Variants in CHODL observed in about 807,000 individuals in gnomAD.
The protein encoded by CHODL is chondrolectin, also known as transmembrane protein MT75.
In CHODL, 29 loss-of-function variants were observed where a neutral mutation model predicts 34.5. The observed-to-expected ratio is 0.84, with a 90% CI of 0.63 to 1.15. The LOEUF (loss-of-function observed/expected upper bound fraction) is 1.15. Ranked by LOEUF, CHODL falls within the 50% of genes most tolerant of loss-of-function variation. CHODL has a pLI of 0.00. For synonymous variants in CHODL, 125 were observed against 116.1 expected, an observed-to-expected ratio of 1.08 and a Z score of -0.49; for missense variants, 332 against 332.5, an observed-to-expected ratio of 1.00 and a Z score of 0.01.
intron 2 of CHODL, among the ~76,000 whole-genome samples, chr21:18,193,803 C>G (rs1380587991): frequency 2.6e-5 from 4 of 151,982 alleles, no homozygotes; most frequent in African/African-American, 9.6e-5. Context: ...ACTCATCATT[C>G]AAGATTTACA....
chr21:18,249,718 G>A (rs139305177), intron 1 of CHODL, among the ~76,000 whole-genome samples: 4 of 152,282 alleles, frequency 2.6e-5, no homozygotes, highest in African/African-American at 9.6e-5. Context: ...GAGCCAGATG[G>A]CCTGGTTTCA....
Position 17,956,732 on chromosome 21 carries a change from T to G in CHODL, c.-145+39332T>G, listed in dbSNP as rs1214947096. On this transcript the variant is annotated intron_variant, in intron 1 of 6. Coordinates refer to the CHODL transcript ENST00000400127. The stretch of plus-strand genomic sequence containing the variant: ...AAGGGGCCAGAAAATTATCTGGAGT[T>G]TTTTCTATGAGTGCACTAATCCCAT... Among the ~76,000 whole-genome samples the G allele has an allele frequency of 1.5e-5, 2 of 135,812 alleles. 1 individual carries two copies. The highest frequency in any genetic ancestry group is 3.3e-5 in the Non-Finnish European group (2 of 59,838). The allele number at this position is 135,812 out of a possible 152,430, so 89.1% of individuals were successfully genotyped here.
intron 2 of CHODL, among the ~76,000 whole-genome samples, chr21:18,162,665 A>T (rs2073110527): frequency 6.6e-6 from 1 of 152,204 alleles, no homozygotes; most frequent in Non-Finnish European, 1.5e-5. Flanking sequence ...TAGAAGAGAT[A>T]ATTCCACCCA....
At chr21:17,997,387 A>T (rs1198793233) in intron 1 of CHODL, among the ~76,000 whole-genome samples, 1 of 152,150 alleles carries the variant, frequency 6.6e-6, no homozygotes, top group Admixed American at 6.5e-5. Context: ...CTTGCCAAAG[A>T]TGGGAGCAAG....
intron 2 of CHODL, among the ~76,000 whole-genome samples, chr21:18,055,338 A>G (rs1249075335): frequency 1.3e-5 from 2 of 152,094 alleles, no homozygotes; most frequent in Non-Finnish European, 2.9e-5. Context: ...TTTCCACTCT[A>G]CCCTCTCCTG....
At chr21:18,188,418 A>T (rs1029397820) in intron 2 of CHODL, among the ~76,000 whole-genome samples, 1 of 152,244 alleles carries the variant, frequency 6.6e-6, no homozygotes. Flanking sequence ...AAAATAAAAC[A>T]TTTAATTTCC....
At chr21:17,973,948 G>A (rs2063640534) in intron 1 of CHODL, among the ~76,000 whole-genome samples, 1 of 152,136 alleles carries the variant, frequency 6.6e-6, no homozygotes, top group Non-Finnish European at 1.5e-5. Flanking sequence ...TATGTACTGG[G>A]GAAATAGGTG....
intron 2 of CHODL, among the ~76,000 whole-genome samples, chr21:18,156,667 G>T (rs2073038603): frequency 6.6e-6 from 1 of 152,082 alleles, no homozygotes; most frequent in South Asian, 2.1e-4. Context: ...AAATATGTTT[G>T]CTTATGGTGA....
chr21:18,020,192 T>C (rs1166942330), intron 1 of CHODL, among the ~76,000 whole-genome samples: 3 of 152,188 alleles, frequency 2.0e-5, no homozygotes, highest in African/African-American at 7.2e-5. Flanking sequence ...AATTGTTTAG[T>C]TGGCTCAGAC....
At chr21:17,930,099 A>G (rs2063260082) in intron 1 of CHODL, among the ~76,000 whole-genome samples, 1 of 145,392 alleles carries the variant, frequency 6.9e-6, no homozygotes, top group Non-Finnish European at 1.5e-5. Flanking sequence ...TGCCACCACC[A>G]CTGCCAGGCC....
intron 1 of CHODL, among the ~76,000 whole-genome samples, chr21:17,932,192 GAT>G (rs1425344745): frequency 1.3e-5 from 2 of 151,886 alleles, no homozygotes; most frequent in Non-Finnish European, 1.5e-5. Flanking sequence ...GACCAACAAA[GAT>G]ATGAAAAAAA....
intron 2 of CHODL, among the ~76,000 whole-genome samples, chr21:18,075,193 T>C (rs2064849965): frequency 6.6e-6 from 1 of 152,214 alleles, no homozygotes; most frequent in South Asian, 2.1e-4. Flanking sequence ...GACTAAAGAA[T>C]GCTCTCAGCC....
At chr21:18,069,149 A>G (rs2064766501) in intron 2 of CHODL, among the ~76,000 whole-genome samples, 1 of 152,204 alleles carries the variant, frequency 6.6e-6, no homozygotes, top group Non-Finnish European at 1.5e-5. Context: ...AATATTAATT[A>G]TCTTTCGGGG....
At chr21:18,124,082 C>G (rs956612613) in intron 2 of CHODL, among the ~76,000 whole-genome samples, 1 of 151,642 alleles carries the variant, frequency 6.6e-6, no homozygotes, top group African/African-American at 2.4e-5. Flanking sequence ...ACTTGGAAGG[C>G]AGAAAAAAAA....
At chr21:18,057,018 G>A (rs2064590708) in intron 2 of CHODL, among the ~76,000 whole-genome samples, 2 of 152,056 alleles carry the variant, frequency 1.3e-5, no homozygotes, top group Non-Finnish European at 2.9e-5. Flanking sequence ...GCAATGTAGA[G>A]TTTTACTGTA....
chr21:18,005,487 G>GC (rs1174137167), intron 1 of CHODL, among the ~76,000 whole-genome samples: 1 of 152,150 alleles, frequency 6.6e-6, no homozygotes, highest in Non-Finnish European at 1.5e-5. Flanking sequence ...CAACTCCCAA[G>GC]CACTTGGAAG....
intron 4 of CHODL, among the ~76,000 whole-genome samples, chr21:18,262,543 G>A (rs1211436115): frequency 6.6e-6 from 1 of 152,144 alleles, no homozygotes; most frequent in Non-Finnish European, 1.5e-5. Flanking sequence ...GTATACCTAT[G>A]TAGGGCAGCT....
Position 18,110,928 on chromosome 21 carries a change from C to T in CHODL, c.-45+82957C>T, listed in dbSNP as rs576846747. ...AGGGTTTATTCTTCCAAATAAGCCT[C>T]CTCAGTTACTCTGTAAATAGGGATC... On this transcript the variant is annotated intron_variant, in intron 2 of 6. Coordinates refer to the CHODL transcript ENST00000400127. 2.0e-5 allele frequency among the ~76,000 whole-genome samples: 3 copies of T among 152,186 alleles called. No homozygotes were observed. The South Asian group carries it at 6.2e-4, about 32-fold the overall frequency.
intron 2 of CHODL, among the ~76,000 whole-genome samples, chr21:18,079,544 G>A (rs566640823): frequency 6.7e-6 from 1 of 148,800 alleles, no homozygotes; most frequent in East Asian, 2.0e-4. Flanking sequence ...TATACCATAT[G>A]TATGTGATAA....
Sources: gnomAD v4.1 joint callset for allele counts (sites outside exome capture counted in the v4.1 genomes callset) on GRCh38, gnomAD v4.1.1 for gene constraint, MANE v1.5 for transcripts, NCBI Gene and HGNC (gene_info 2026-07-23, HGNC 2026-07-21) for gene names.